Variants in DPP10 observed in about 807,000 individuals in gnomAD.
The protein encoded by DPP10 is dipeptidyl peptidase like 10, also known as inactive dipeptidyl peptidase 10.
In DPP10, 33 loss-of-function variants were observed where a neutral mutation model predicts 120.9. The ratio of observed to expected loss-of-function variants is 0.27; its 90% CI spans 0.21 to 0.37. The LOEUF is 0.37. Among genes scored for constraint, DPP10 ranks in the 10% least tolerant of loss-of-function variants. DPP10 has a pLI of 1.00. For synonymous variants in DPP10, 337 were observed against 326.1 expected, an observed-to-expected ratio of 1.03 and a Z score of -0.36; for missense variants, 816 against 942.8, an observed-to-expected ratio of 0.87 and a Z score of 1.76.
At chr2:115,807,260 C>T (rs1029302722) in intron 19 of DPP10, among the ~76,000 whole-genome samples, 1 of 152,160 alleles carries the variant, frequency 6.6e-6, no homozygotes, top group African/African-American at 2.4e-5. Flanking sequence ...TTTTATTGAA[C>T]AATTTCTGGC....
chr2:115,531,153 T>G, intron 5 of DPP10, among the ~76,000 whole-genome samples: 1 of 151,802 alleles, frequency 6.6e-6, no homozygotes, highest in East Asian at 1.9e-4. Context: ...ATTGAGTTTT[T>G]TTTTTTTTTT....
In DPP10 at chr2:115,791,073, G is replaced by T; in HGVS notation, c.1532-8G>T. ...TTAGCTATTTACACTACCCTTTTTG[G>T]TTTACAGAATATTTTATATTGGAAA... On this transcript the variant is annotated splice_region_variant and splice_polypyrimidine_tract_variant and intron_variant, in intron 17 of 25. Coordinates refer to ENST00000410059, the MANE Select transcript of DPP10 (RefSeq NM_020868.6). 1.9e-6 allele frequency: 3 copies of T among 1,601,614 alleles called. No homozygotes were observed. Among genetic ancestry groups the T allele is most frequent in the African/African-American group, 1.4e-5 (1 of 74,062 alleles).
intron 1 of DPP10, among the ~76,000 whole-genome samples, chr2:115,244,049 G>C (rs2058408486): frequency 6.6e-6 from 1 of 150,788 alleles, no homozygotes; most frequent in South Asian, 2.1e-4. Flanking sequence ...AACTGACTTA[G>C]AAAAAGTAAT....
At chr2:114,982,469 C>T (rs567584305) in intron 1 of DPP10, among the ~76,000 whole-genome samples, 1 of 151,922 alleles carries the variant, frequency 6.6e-6, no homozygotes, top group Admixed American at 6.6e-5. Context: ...ATTGTAGTGA[C>T]GGAGGTGTCT....
intron 1 of DPP10, among the ~76,000 whole-genome samples, chr2:115,105,024 T>G (rs112696628): frequency 0.024 from 3,609 of 151,972 alleles, 124 homozygotes; most frequent in African/African-American, 0.073. Flanking sequence ...AAAAAATCTG[T>G]TTTATAAAAT....
intron 2 of DPP10, among the ~76,000 whole-genome samples, chr2:115,340,123 ACATAG>A (rs1447004503): frequency 2.0e-5 from 3 of 152,214 alleles, no homozygotes; most frequent in Non-Finnish European, 4.4e-5. Context: ...GCAAATGCAT[ACATAG>A]TATAATTAGT....
In DPP10 at chr2:114,555,857, G is replaced by C. The variant is rs895098950; in HGVS notation, c.60+113019G>C. ...GAGGGTGGAGCCACTTAAAGATTTG[G>C]ATAAAGCACGTCCCAAGAAGAACAT... On this transcript the variant is annotated intron_variant, in intron 1 of 25. Coordinates refer to ENST00000410059, the MANE Select transcript of DPP10 (RefSeq NM_020868.6). Among the ~76,000 whole-genome samples, 9 of 152,156 alleles carry C rather than the reference G, an allele frequency of 5.9e-5. 1 individual carries two copies. Among genetic ancestry groups the C allele is most frequent in the Non-Finnish European group, 2.9e-5 (2 of 68,002 alleles).
chr2:114,927,779 G>T (rs1189161795), intron 1 of DPP10, among the ~76,000 whole-genome samples: 1 of 152,194 alleles, frequency 6.6e-6, no homozygotes, highest in East Asian at 1.9e-4. Flanking sequence ...TAATGGTTCT[G>T]CAGGCTGTAC....
chr2:114,443,933 C>A (rs1436992623), intron 1 of DPP10, among the ~76,000 whole-genome samples: 1 of 152,224 alleles, frequency 6.6e-6, no homozygotes, highest in African/African-American at 2.4e-5. Flanking sequence ...CATGAATTTA[C>A]CTACCGTTTG....
At chr2:115,010,808 C>G (rs1389928615) in intron 1 of DPP10, among the ~76,000 whole-genome samples, 1 of 152,194 alleles carries the variant, frequency 6.6e-6, no homozygotes, top group Non-Finnish European at 1.5e-5. Context: ...TCCCTCAGTA[C>G]TCCACAAACC....
intron 1 of DPP10, among the ~76,000 whole-genome samples, chr2:114,868,309 C>T (rs566266555): frequency 4.0e-5 from 6 of 151,042 alleles, no homozygotes; most frequent in Non-Finnish European, 7.4e-5. Flanking sequence ...ATCCATTCTT[C>T]TGCCCTACAA....
At chr2:114,681,496 A>AT (rs1699022332) in intron 1 of DPP10, among the ~76,000 whole-genome samples, 1 of 152,012 alleles carries the variant, frequency 6.6e-6, no homozygotes, top group South Asian at 2.1e-4. Flanking sequence ...AGGAAAAAAA[A>AT]GAATTGACTT....
chr2:115,046,486 A>G (rs1296120517), intron 1 of DPP10, among the ~76,000 whole-genome samples: 1 of 152,178 alleles, frequency 6.6e-6, no homozygotes, highest in East Asian at 1.9e-4. Context: ...CGAAAGGGCC[A>G]TAAGGTATAT....
At chr2:114,529,629 G>C (rs567528735) in intron 1 of DPP10, among the ~76,000 whole-genome samples, 1 of 152,122 alleles carries the variant, frequency 6.6e-6, no homozygotes, top group East Asian at 1.9e-4. Flanking sequence ...CTCCTTTCTT[G>C]CCTCCTCCCA....
chr2:115,239,655 A>G (rs987470982), intron 1 of DPP10, among the ~76,000 whole-genome samples: 1 of 152,154 alleles, frequency 6.6e-6, no homozygotes, highest in Non-Finnish European at 1.5e-5. Context: ...CAGAACGTGC[A>G]GGTTTGTTGC....
chr2:114,686,076 A>G (rs935124824), intron 1 of DPP10, among the ~76,000 whole-genome samples: 2 of 151,900 alleles, frequency 1.3e-5, no homozygotes, highest in African/African-American at 2.4e-5. Context: ...CCTGGAACAC[A>G]TGCAGGCTGC....
At chr2:114,771,027 A>G (rs999190304) in intron 1 of DPP10, among the ~76,000 whole-genome samples, 1 of 152,242 alleles carries the variant, frequency 6.6e-6, no homozygotes, top group African/African-American at 2.4e-5. Context: ...TAATTGATAT[A>G]AAAGTCTAAA....
rs2057176872 is a variant in DPP10, at chr2:115,221,761, T to G, written c.61-87478T>G. 2.2e-4 allele frequency among the ~76,000 whole-genome samples: 5 copies of G among 22,732 alleles called. No individual in the cohort carries two copies. In the South Asian group the frequency reaches 6.2e-3, roughly 28 times the overall value. The allele number at this position is 22,732 out of a possible 152,430, so 14.9% of individuals were successfully genotyped here. On this transcript the variant is annotated intron_variant, in intron 1 of 25. Transcript: ENST00000410059. The stretch of plus-strand genomic sequence containing the variant: ...GCTTTCATGTTTGTTTCTGTTTTTT[T>G]TTTTTTTTTTTTTTTTTTCTATGAG...
chr2:114,535,093 A>AAAG (rs1686369872), intron 1 of DPP10, among the ~76,000 whole-genome samples: 1 of 154 alleles, frequency 6.5e-3, no homozygotes, highest in African/African-American at 0.011. Context: ...TTGTTTCTAC[A>AAAG]AAAAAAAACA....
Sources: allele counts gnomAD v4.1 joint callset (sites outside exome capture counted in the v4.1 genomes callset), GRCh38; gene constraint gnomAD v4.1.1; transcripts MANE v1.5; gene names NCBI Gene and HGNC (gene_info 2026-07-23, HGNC 2026-07-21).